The following RIMS3 variants were observed in gnomAD, a reference collection of about 807,000 sequenced individuals.
RIMS3 encodes the protein regulating synaptic membrane exocytosis protein 3.
In RIMS3, 15 loss-of-function variants were observed where a neutral mutation model predicts 29.2. The observed-to-expected ratio is 0.51, with a 90% CI of 0.34 to 0.79. RIMS3 has a LOEUF of 0.79. Ranked by LOEUF, RIMS3 falls within the 30% of genes least tolerant of loss-of-function variation. The pLI is 0.01. For synonymous variants in RIMS3, 161 were observed against 170.1 expected (o/e 0.95, Z 0.41); for missense variants, 342 against 421.4 (o/e 0.81, Z 1.65).
chr1:40,640,320 AG>A lies in RIMS3; in HGVS notation c.217+1388del, dbSNP rs375379758. On this transcript the variant is annotated intron_variant, in intron 3 of 7. Transcript: ENST00000372684. ...TATTCACAGAGGCCATGCCCACTCT[AG>A]GGCTCTGATAACCTCAAGCCCCTTC... Among the ~76,000 whole-genome samples the A allele has an allele frequency of 7.6e-4, 116 of 152,240 alleles. 1 individual carries two copies. The East Asian group carries it at 0.017, about 22-fold the overall frequency.
At chr1:40,650,785 G>A (rs1646626813) in intron 1 of RIMS3, among the ~76,000 whole-genome samples, 1 of 146,654 alleles carries the variant, frequency 6.8e-6, no homozygotes, top group African/African-American at 2.6e-5. Flanking sequence ...AGGATGGCTT[G>A]AGCCTAGGAG....
chr1:40,626,747 G>T lies in RIMS3; in HGVS notation c.715-18C>A. 6.2e-7 allele frequency: 1 copy of T among 1,612,388 alleles called. No individual in the cohort carries two copies. The highest frequency in any genetic ancestry group is 1.6e-4 in the Middle Eastern group (1 of 6,062). On this transcript the variant is annotated intron_variant, in intron 7 of 7. Coordinates refer to ENST00000372684, the MANE Select transcript of RIMS3 (RefSeq NM_014747.3). ...ACGATCACCTGCCAGGAGGAAGAGAGGGAGGGAGTGAGCCACCTCCCTGAC... is the reference window on the plus strand; with the variant it reads ...ACGATCACCTGCCAGGAGGAAGAGATGGAGGGAGTGAGCCACCTCCCTGAC...
upstream of RIMS3, among the ~76,000 whole-genome samples, chr1:40,666,069 G>A (rs1642422004): frequency 6.6e-6 from 1 of 152,204 alleles, no homozygotes; most frequent in Non-Finnish European, 1.5e-5. Context: ...GAGAAGAAAC[G>A]ACTTACAAAC....
intron 5 of RIMS3, among the ~76,000 whole-genome samples, chr1:40,632,249 C>T (rs1175462605): frequency 1.3e-5 from 2 of 151,788 alleles, no homozygotes; most frequent in East Asian, 3.9e-4. Context: ...TTTCAGTCAA[C>T]AATGCATCAT....
chr1:40,673,858 T>C, the RIMS3 span, among the ~76,000 whole-genome samples: 413 of 152,360 alleles, frequency 2.7e-3, 4 homozygotes, highest in African/African-American at 9.4e-3. Flanking sequence ...TCTCTGAGCC[T>C]GTTTCCTTCC....
intron 5 of RIMS3, among the ~76,000 whole-genome samples, chr1:40,630,285 G>T (rs1646481146): frequency 6.6e-6 from 1 of 152,120 alleles, no homozygotes; most frequent in Non-Finnish European, 1.5e-5. Context: ...ATCCAGCCGG[G>T]GCAAGGTCTG....
In RIMS3 at chr1:40,661,090, G is replaced by C. The variant is rs75712056; in HGVS notation, c.-207+4304C>G. Reference sequence around the variant, plus strand: ...CCTCCTAGGTGGAGACTTCCCTGGTGTAAGCATTGCTCTGCAGTTGGACAA... The same window carrying C: ...CCTCCTAGGTGGAGACTTCCCTGGTCTAAGCATTGCTCTGCAGTTGGACAA... On this transcript the variant is annotated intron_variant, in intron 1 of 7. Transcript: ENST00000372684. 2.6e-3 allele frequency among the ~76,000 whole-genome samples: 399 copies of C among 152,236 alleles called. 2 individuals carry two copies. Among genetic ancestry groups the C allele is most frequent in the African/African-American group, 9.1e-3 (378 of 41,518 alleles).
At chr1:40,691,883 G>A in the RIMS3 span, 3 of 385,218 alleles carry the variant, frequency 7.8e-6, no homozygotes, top group African/African-American at 4.3e-5. Context: ...TGAGTGTGCG[G>A]GAGTTTCTGT....
At chr1:40,678,617 G>C in the RIMS3 span, among the ~76,000 whole-genome samples, 1 of 152,176 alleles carries the variant, frequency 6.6e-6, no homozygotes, top group Non-Finnish European at 1.5e-5. Context: ...CAAGCAGTAA[G>C]CTCTCCATAA....
At chr1:40,691,830 G>T in the RIMS3 span, 2 of 435,450 alleles carry the variant, frequency 4.6e-6, no homozygotes, top group South Asian at 3.2e-5. Context: ...GTAGGAGCGC[G>T]GGGGCGGCTC....
At chr1:40,668,495 G>GA, upstream of RIMS3, among the ~76,000 whole-genome samples, 1 of 56,170 alleles carries the variant, frequency 1.8e-5, no homozygotes, top group Admixed American at 1.5e-4. Flanking sequence ...TGTGGGCGGG[G>GA]GGGGGGGGGT....
the RIMS3 span, among the ~76,000 whole-genome samples, chr1:40,678,913 G>A: frequency 1.3e-5 from 2 of 152,214 alleles, no homozygotes; most frequent in South Asian, 4.1e-4. Context: ...CAGAGAACTG[G>A]TTAGAAATCT....
chr1:40,681,600 A>G, the RIMS3 span: 1 of 151,714 alleles, frequency 6.6e-6, no homozygotes, highest in Non-Finnish European at 1.5e-5. Context: ...AACCTGTCTC[A>G]TTGAGTTGGT....
the RIMS3 span, among the ~76,000 whole-genome samples, chr1:40,679,486 TA>T: frequency 6.6e-6 from 1 of 152,252 alleles, no homozygotes; most frequent in Non-Finnish European, 1.5e-5. Flanking sequence ...GTGGGTACCT[TA>T]AAGGCCATAT....
chr1:40,631,375 C>T (rs902565920), intron 5 of RIMS3, among the ~76,000 whole-genome samples: 1 of 152,176 alleles, frequency 6.6e-6, no homozygotes, highest in Non-Finnish European at 1.5e-5. Context: ...ACCTCGCCCC[C>T]ACCCAGGGAT....
In RIMS3 at chr1:40,636,728, C is replaced by A. The variant is rs545168208; in HGVS notation, c.218-671G>T. On this transcript the variant is annotated intron_variant, in intron 3 of 7. Transcript: ENST00000372684. The surrounding 1 kb of genome is among the most constrained non-coding windows in gnomAD (Gnocchi z 4.2). ...GTCTTTGGCTTTGAGAAAAGGTCTGCAGAAGAACCCCGAAGCTGGCCTGTG... is the reference window on the plus strand; with the variant it reads ...GTCTTTGGCTTTGAGAAAAGGTCTGAAGAAGAACCCCGAAGCTGGCCTGTG... Among the ~76,000 whole-genome samples, 6 of 152,230 alleles carry A rather than the reference C, an allele frequency of 3.9e-5. No individual in the cohort carries two copies. Among genetic ancestry groups the A allele is most frequent in the Non-Finnish European group, 8.8e-5 (6 of 68,042 alleles).
chr1:40,664,185 T>A (rs1286874182), intron 1 of RIMS3, among the ~76,000 whole-genome samples: 3 of 152,062 alleles, frequency 2.0e-5, no homozygotes, highest in Non-Finnish European at 2.9e-5. Flanking sequence ...ACAAAGGGCA[T>A]GGTGCTTGGT....
chr1:40,675,438 A>G, the RIMS3 span, among the ~76,000 whole-genome samples: 1 of 151,978 alleles, frequency 6.6e-6, no homozygotes, highest in Non-Finnish European at 1.5e-5. Context: ...CCTAAGCAAC[A>G]TGGCAAAGCC....
intron 1 of RIMS3, among the ~76,000 whole-genome samples, chr1:40,652,278 G>A (rs550715654): frequency 1.3e-5 from 2 of 152,330 alleles, no homozygotes; most frequent in African/African-American, 2.4e-5. Context: ...TTATCAAACT[G>A]CAATGTGCAG....
Sources: gnomAD v4.1 joint callset for allele counts (sites outside exome capture counted in the v4.1 genomes callset) on GRCh38, gnomAD v4.1.1 for gene constraint, Gnocchi (gnomAD v3.1) non-coding constraint, MANE v1.5 for transcripts, NCBI Gene and HGNC (gene_info 2026-07-23, HGNC 2026-07-21) for gene names.